Variants in FIGN observed in about 807,000 individuals in gnomAD.
FIGN encodes the protein fidgetin, microtubule severing factor, also known as fidgetin.
A neutral mutation model predicts 51.3 loss-of-function variants in FIGN; 11 were observed. That is an observed-to-expected ratio of 0.21 (90% confidence interval 0.13 to 0.35). The LOEUF is 0.35. FIGN is among the 10% of genes least tolerant of loss of function. The probability of loss-of-function intolerance (pLI) is 1.00; values close to 1 mark genes in which losing one functional copy is unlikely to be tolerated. For synonymous variants in FIGN, 407 were observed against 363.2 expected, an observed-to-expected ratio of 1.12 and a Z score of -1.37; for missense variants, 857 against 943.6, an observed-to-expected ratio of 0.91 and a Z score of 1.20.
At chr2:163,665,458 G>A (rs1002982186) in intron 2 of FIGN, among the ~76,000 whole-genome samples, 16 of 152,194 alleles carry the variant, frequency 1.1e-4, no homozygotes, top group African/African-American at 3.1e-4. Context: ...GGAAAATTTT[G>A]TCAGGAAACA....
rs779110711 is a variant in FIGN at position 163,611,148 on chromosome 2, C to T, written c.684G>A (p.Pro228=). Residue 228 remains proline (P), a synonymous_variant, in exon 3 of 3, where the codon CCG becomes CCA. Transcript: ENST00000333129. ...GLLQPPPPPP[P]PPALVPGYNG... ...TGTAGCCTGGGACCAAGGCTGGTGGCGGAGGAGGTGGTGGTGGGGGCTGTA... is the reference window on the plus strand; with the variant it reads ...TGTAGCCTGGGACCAAGGCTGGTGGTGGAGGAGGTGGTGGTGGGGGCTGTA... 3.5e-5 allele frequency: 56 copies of T among 1,613,712 alleles called. No homozygotes were observed. The African/African-American group carries it at 5.2e-4, about 15-fold the overall frequency.
intron 2 of FIGN, chr2:163,612,473 G>A (rs555777971): frequency 4.1e-6 from 4 of 985,206 alleles, no homozygotes; most frequent in African/African-American, 3.5e-5. Flanking sequence ...TTCGTGGAGT[G>A]CAGCAAAGCA....
chr2:163,655,785 G>GCACACACACA (rs375367199), intron 2 of FIGN, among the ~76,000 whole-genome samples: 56 of 143,982 alleles, frequency 3.9e-4, no homozygotes, highest in African/African-American at 1.4e-3. Flanking sequence ...ACACACACAC[G>GCACACACACA]CACACACACA....
chr2:163,643,979 T>TAAACG lies in FIGN; in HGVS notation c.26-32178_26-32174dup, dbSNP rs1165711206. On this transcript the variant is annotated intron_variant, in intron 2 of 2. Coordinates refer to ENST00000333129, the MANE Select transcript of FIGN (RefSeq NM_018086.4). ...AAAAAGTCAGAATGGATCACAAACC[T>TAAACG]AAACGTGAGACCTAAACCTAAAGGT... is the stretch of plus-strand genomic sequence containing the variant. Among the ~76,000 whole-genome samples, 80 of 90,152 alleles carry TAAACG rather than the reference T, an allele frequency of 8.9e-4. 1 individual carries two copies. Among genetic ancestry groups the TAAACG allele is most frequent in the Middle Eastern group, 0.011 (1 of 94 alleles). 59.1% of individuals were successfully genotyped at this position (90,152 alleles called of 152,430 possible). A position where few individuals can be genotyped will look rare whatever the true frequency, so the allele number is the denominator to read the frequency against.
At chr2:163,638,173 G>A (rs767761352) in intron 2 of FIGN, among the ~76,000 whole-genome samples, 17 of 151,954 alleles carry the variant, frequency 1.1e-4, no homozygotes, top group African/African-American at 3.4e-4. Flanking sequence ...GAATCCTGCC[G>A]TGGTCTTGCT....
intron 2 of FIGN, among the ~76,000 whole-genome samples, chr2:163,716,497 G>C (rs1012234315): frequency 6.6e-6 from 1 of 152,092 alleles, no homozygotes; most frequent in Non-Finnish European, 1.5e-5. Context: ...CCTACCATTA[G>C]CTTTTAGGAA....
intron 2 of FIGN, among the ~76,000 whole-genome samples, chr2:163,719,857 CA>C (rs1684726902): frequency 6.6e-6 from 1 of 152,138 alleles, no homozygotes; most frequent in Non-Finnish European, 1.5e-5. Context: ...GCCATTTGAA[CA>C]ATTTATTTTT....
At chr2:163,665,774 A>C (rs1259108457) in intron 2 of FIGN, among the ~76,000 whole-genome samples, 4 of 152,306 alleles carry the variant, frequency 2.6e-5, no homozygotes, top group African/African-American at 9.6e-5. Flanking sequence ...AAATCATAAG[A>C]GAGTATCATT....
rs1337720956 is a variant in FIGN at position 163,610,221 on chromosome 2, T to A, written c.1611A>T (p.Arg537Ser). ...PRGTGKTLLG[R>S]CIASQLGATF... ...TGGCCCCCAGCTGACTAGCGATGCA[T>A]CTGCCCAATAATGTTTTGCCTGTCC... The change falls in exon 3 of 3, where the codon AGA becomes AGT. Residue 537 changes from arginine to serine, a missense_variant. This residue lies in a region of FIGN where 799 missense variants were observed against 849.5 expected (regional missense o/e 0.94). Coordinates refer to ENST00000333129, the MANE Select transcript of FIGN (RefSeq NM_018086.4). 3 of 1,614,132 alleles carry A rather than the reference T, an allele frequency of 1.9e-6. No homozygotes were observed. In the East Asian group the frequency reaches 6.7e-5, roughly 36 times the overall value.
intron 2 of FIGN, among the ~76,000 whole-genome samples, chr2:163,643,691 T>C (rs2196920): frequency 0.98 from 146,217 of 149,600 alleles, 71,540 homozygotes; most frequent in Middle Eastern, 1. Flanking sequence ...CAGTGGCTCA[T>C]GCCTGTCATC....
At chr2:163,612,657 T>A (rs760421508) in intron 2 of FIGN, 17 of 973,936 alleles carry the variant, frequency 1.7e-5, no homozygotes, top group Non-Finnish European at 2.1e-5. Flanking sequence ...TAATCCCTCC[T>A]CCCCTTACAG....
intron 2 of FIGN, among the ~76,000 whole-genome samples, chr2:163,695,520 A>G (rs1684303528): frequency 6.6e-6 from 1 of 152,074 alleles, no homozygotes; most frequent in Non-Finnish European, 1.5e-5. Flanking sequence ...AACATGCAAA[A>G]TATCTTACAC....
intron 2 of FIGN, among the ~76,000 whole-genome samples, chr2:163,682,479 C>A (rs550939782): frequency 3.3e-5 from 5 of 152,310 alleles, no homozygotes; most frequent in African/African-American, 1.2e-4. Flanking sequence ...CTTCAAGGAA[C>A]AGACATGCAA....
chr2:163,677,685 T>C (rs1035336379), intron 2 of FIGN, among the ~76,000 whole-genome samples: 2 of 152,244 alleles, frequency 1.3e-5, no homozygotes, highest in African/African-American at 4.8e-5. Flanking sequence ...ATTCTCTTTT[T>C]TTATTCAAAA....
intron 2 of FIGN, among the ~76,000 whole-genome samples, chr2:163,710,388 C>T (rs1043051823): frequency 1.3e-5 from 2 of 152,132 alleles, no homozygotes; most frequent in Non-Finnish European, 2.9e-5. Context: ...GTTCATTTTG[C>T]TTTTTATTTT....
chr2:163,719,533 T>A (rs1684722054), intron 2 of FIGN, among the ~76,000 whole-genome samples: 1 of 152,202 alleles, frequency 6.6e-6, no homozygotes, highest in Non-Finnish European at 1.5e-5. Context: ...TTGTTGCTAT[T>A]TACTGGCAAC....
intron 2 of FIGN, among the ~76,000 whole-genome samples, chr2:163,683,520 G>C (rs1205437158): frequency 6.6e-6 from 1 of 152,120 alleles, no homozygotes; most frequent in African/African-American, 2.4e-5. Context: ...TGCAGAACTT[G>C]GTAAGATTAA....
At chr2:163,710,699 T>C (rs1296592624) in intron 2 of FIGN, among the ~76,000 whole-genome samples, 1 of 152,162 alleles carries the variant, frequency 6.6e-6, no homozygotes, top group Non-Finnish European at 1.5e-5. Flanking sequence ...AACCCACTCT[T>C]TAACTTATGA....
rs1250111449 is a variant in FIGN at position 163,608,571 on chromosome 2, A to G, written c.*981T>C. On this transcript the variant is annotated 3_prime_UTR_variant, in exon 3 of 3. Coordinates refer to ENST00000333129, the MANE Select transcript of FIGN (RefSeq NM_018086.4). ...ACACAAACTGAATAAGTAGCTTTCAATTAACCAGTGTACCTTTTAAGAACA... is the reference window on the plus strand; with the variant it reads ...ACACAAACTGAATAAGTAGCTTTCAGTTAACCAGTGTACCTTTTAAGAACA... 1 of 152,400 alleles carries G rather than the reference A, an allele frequency of 6.6e-6. No homozygotes were observed. The highest frequency in any genetic ancestry group is 2.4e-5 in the African/African-American group (1 of 41,456). 9.4% of individuals were successfully genotyped at this position (152,400 alleles called of 1,614,324 possible).
Sources: allele counts gnomAD v4.1 joint callset (sites outside exome capture counted in the v4.1 genomes callset), GRCh38; gene constraint gnomAD v4.1.1; regional missense constraint gnomAD v4.1.1; transcripts MANE v1.5; gene names NCBI Gene and HGNC (gene_info 2026-07-23, HGNC 2026-07-21).